Variants in MTARC1 observed in about 807,000 individuals in gnomAD.
The protein encoded by MTARC1 is mitochondrial amidoxime-reducing component 1.
In MTARC1, 24 loss-of-function variants were observed where a neutral mutation model predicts 33.6. The ratio of observed to expected loss-of-function variants is 0.72; its 90% confidence interval spans 0.52 to 1.01. MTARC1 has a LOEUF of 1.01. Among genes scored for constraint, MTARC1 ranks in the 50% least tolerant of loss-of-function variants. The probability of loss-of-function intolerance (pLI) is 0.00; values close to 1 mark genes in which losing one functional copy is unlikely to be tolerated. For missense variants in MTARC1, 417 were observed against 445.7 expected (o/e 0.94, Z 0.58); for synonymous variants, 187 against 189.5 (o/e 0.99, Z 0.11).
intron 2 of MTARC1, 129 bp downstream of exon 2, chr1:220,791,793 C>G: frequency 1.0e-6 from 1 of 966,208 alleles, no homozygotes; most frequent in Non-Finnish European, 1.5e-6. Context: ...GTACCATATA[C>G]AGAATGAAGT....
intron 6 of MTARC1, 78 bp downstream of exon 6, chr1:220,805,352 A>G: frequency 6.7e-7 from 1 of 1,502,204 alleles, no homozygotes; most frequent in Non-Finnish European, 9.3e-7. Context: ...TAATGTTTAT[A>G]AGAGGAAGCA....
rs1434922680 is a variant in MTARC1 at position 220,796,739 on chromosome 1, C to CTT, written c.547_548dup (p.Glu184SerfsTer13). ...AGTCACAGCCCTACCGCCTGGTGCA[C>CTT]TTCGAGCCTCACATGCGACCGAGAC... is the stretch of plus-strand genomic sequence containing the variant. On this transcript the variant is annotated frameshift_variant, in exon 3 of 7. Transcript: ENST00000366910. LOFTEE classifies it high-confidence loss of function. The CTT allele has an allele frequency of 6.2e-7, 1 of 1,612,858 alleles. No homozygotes were observed. Among genetic ancestry groups the CTT allele is most frequent in the Non-Finnish European group, 8.5e-7 (1 of 1,179,506 alleles).
In MTARC1 at chr1:220,805,217, C is replaced by T; in HGVS notation, c.830C>T (p.Thr277Ile). 6.2e-7 allele frequency: 1 copy of T among 1,613,970 alleles called. No individual in the cohort carries two copies. The highest frequency in any genetic ancestry group is 1.3e-5 in the African/African-American group (1 of 75,008). The change falls in exon 6 of 7, where the codon ACA (threonine) becomes ATA (isoleucine). Residue 277 changes from threonine to isoleucine, a missense_variant. By Grantham distance (89) the Thr-to-Ile change is moderately conservative. Coordinates refer to ENST00000366910, the MANE Select transcript of MTARC1 (RefSeq NM_022746.4). ...TGTGTGTCCAGATGCATTTTAACCA[C>T]AGTGGACCCAGACACCGGTGTCATG... ...VMACSRCILTTVDPDTGVMSR... is the reference protein window; with the variant it reads ...VMACSRCILTIVDPDTGVMSR...
intron 4 of MTARC1, among the ~76,000 whole-genome samples, chr1:220,801,374 CA>C (rs1373936607): frequency 6.6e-6 from 1 of 152,128 alleles, no homozygotes; most frequent in Non-Finnish European, 1.5e-5. Flanking sequence ...CCCCACCTAA[CA>C]AGCCGTGTGT....
rs528293894 is a variant in MTARC1, at chr1:220,787,251, G to T, written c.275+32G>T. On this transcript the variant is annotated intron_variant, in intron 1 of 6. Transcript: ENST00000366910. Reference sequence around the variant, plus strand: ...CCAAGCGCCGGCGCGGGGCAGCGCTGATCCGGCTCGGGGCAAGGGGGTGAG... The same window carrying T: ...CCAAGCGCCGGCGCGGGGCAGCGCTTATCCGGCTCGGGGCAAGGGGGTGAG... The T allele has an allele frequency of 1.9e-6, 3 of 1,539,734 alleles. No homozygotes were observed. In the South Asian group the frequency reaches 3.6e-5, roughly 18 times the overall value.
chr1:220,809,479 C>T lies in MTARC1; in HGVS notation c.888-3813C>T, dbSNP rs555244977. ...CCTCTCCCAGGAACGTTCACGATGCCGTCTAATTCTTCAATTTAATTTAAT... is the reference window on the plus strand; with the variant it reads ...CCTCTCCCAGGAACGTTCACGATGCTGTCTAATTCTTCAATTTAATTTAAT... On this transcript the variant is annotated intron_variant, in intron 6 of 6. Transcript: ENST00000366910. Among the ~76,000 whole-genome samples the T allele has an allele frequency of 4.7e-5, 6 of 126,964 alleles. No individual in the cohort carries two copies. In the East Asian group the frequency reaches 6.1e-4, roughly 13 times the overall value. 83.3% of individuals were successfully genotyped at this position (126,964 alleles called of 152,430 possible). A position where few individuals can be genotyped will look rare whatever the true frequency, so the allele number is the denominator to read the frequency against.
chr1:220,813,525 A>C lies in MTARC1; in HGVS notation c.*107A>C. ...AACTGAGACCTCTACATTTTCTTTA[A>C]ATTTGTGATTTTCACATTTTTCGTC... On this transcript the variant is annotated 3_prime_UTR_variant, in exon 7 of 7. Transcript: ENST00000366910. 6.8e-7 allele frequency: 1 copy of C among 1,460,442 alleles called. No individual in the cohort carries two copies. Among genetic ancestry groups the C allele is most frequent in the South Asian group, 1.3e-5 (1 of 75,322 alleles). 90.5% of individuals were successfully genotyped at this position (1,460,442 alleles called of 1,614,324 possible). A position where few individuals can be genotyped will look rare whatever the true frequency, so the allele number is the denominator to read the frequency against.
intron 2 of MTARC1, chr1:220,794,105 C>G (rs759084765): frequency 1.3e-5 from 2 of 152,108 alleles, no homozygotes; most frequent in Non-Finnish European, 1.5e-5. Context: ...CCAATTGAAG[C>G]CCCAAGGAGT....
chr1:220,800,403 G>T (rs1221155904), intron 4 of MTARC1, among the ~76,000 whole-genome samples: 1 of 81,750 alleles, frequency 1.2e-5, no homozygotes, highest in East Asian at 3.9e-4. Context: ...GGAGCTCAGT[G>T]TGGTCAGATA....
At chr1:220,792,609 A>G (rs1266819936) in intron 2 of MTARC1, among the ~76,000 whole-genome samples, 1 of 151,820 alleles carries the variant, frequency 6.6e-6, no homozygotes, top group East Asian at 1.9e-4. Flanking sequence ...TTCAGATTAG[A>G]AAAGTGGTAC....
In MTARC1 at chr1:220,813,285, A is replaced by G. The variant is rs1558095876; in HGVS notation, c.888-7A>G. ...CTGTGACTCATCATGATCTTTTCCT[A>G]TTGCAGTTATCGCCAGTGTGACCCT... On this transcript the variant is annotated splice_polypyrimidine_tract_variant and splice_region_variant and intron_variant, in intron 6 of 6. Transcript: ENST00000366910. 1 of 1,613,856 alleles carries G rather than the reference A, an allele frequency of 6.2e-7. No homozygotes were observed. The highest frequency in any genetic ancestry group is 8.5e-7 in the Non-Finnish European group (1 of 1,179,974).
chr1:220,815,399 C>T lies in MTARC1; in HGVS notation c.*1981C>T, dbSNP rs61830288. 44,098 of 151,746 alleles carry T rather than the reference C, an allele frequency of 0.29. 6,321 individuals carry two copies. Among genetic ancestry groups the T allele is most frequent in the Admixed American group, 0.31 (4,770 of 15,246 alleles). The allele number at this position is 151,746 out of a possible 1,614,324, so 9.4% of individuals were successfully genotyped here. A position where few individuals can be genotyped will look rare whatever the true frequency, so the allele number is the denominator to read the frequency against. Reference sequence around the variant, plus strand: ...AACTAACAGCCACTTCTCTGTGCCCCGTCCGGGCAGTAACCATCATTCTCC... The same window carrying T: ...AACTAACAGCCACTTCTCTGTGCCCTGTCCGGGCAGTAACCATCATTCTCC... On this transcript the variant is annotated 3_prime_UTR_variant, in exon 7 of 7. Transcript: ENST00000366910.
rs973262103 is a variant in MTARC1, at chr1:220,813,573, T to G, written c.*155T>G. 3.3e-6 allele frequency: 3 copies of G among 911,244 alleles called. No homozygotes were observed. The highest frequency in any genetic ancestry group is 4.9e-6 in the Non-Finnish European group (3 of 611,986). 56.4% of individuals were successfully genotyped at this position (911,244 alleles called of 1,614,324 possible). On this transcript the variant is annotated 3_prime_UTR_variant, in exon 7 of 7. Coordinates refer to ENST00000366910, the MANE Select transcript of MTARC1 (RefSeq NM_022746.4). ...GTCTTTTGGACTTCTGGTGTCTCAATGCTTCAATGTCCCAGTGCAAAAAGT... is the reference window on the plus strand; with the variant it reads ...GTCTTTTGGACTTCTGGTGTCTCAAGGCTTCAATGTCCCAGTGCAAAAAGT...
chr1:220,800,896 T>TC (rs60169117), intron 4 of MTARC1, among the ~76,000 whole-genome samples: 1 of 151,176 alleles, frequency 6.6e-6, no homozygotes, highest in Non-Finnish European at 1.5e-5. Flanking sequence ...GGCTGGGCCT[T>TC]CCCCCCCACT....
At chr1:220,802,883 A>T (rs1283421806) in intron 4 of MTARC1, among the ~76,000 whole-genome samples, 3 of 152,120 alleles carry the variant, frequency 2.0e-5, no homozygotes, top group African/African-American at 7.2e-5. Context: ...GATCAGCGTG[A>T]TCTCTCCCGC....
In MTARC1 at chr1:220,816,613, C is replaced by A. The variant is rs1166269445; in HGVS notation, c.*3195C>A. 6.6e-6 allele frequency: 1 copy of A among 152,266 alleles called. No homozygotes were observed. 9.4% of individuals were successfully genotyped at this position (152,266 alleles called of 1,614,324 possible). On this transcript the variant is annotated 3_prime_UTR_variant, in exon 7 of 7. Coordinates refer to ENST00000366910, the MANE Select transcript of MTARC1 (RefSeq NM_022746.4). Reference sequence around the variant, plus strand: ...GCCCTTCCCAAAGGTCTGTTTTTGACTGTCTTTTGAGAAATGATCCTCTGA... The same window carrying A: ...GCCCTTCCCAAAGGTCTGTTTTTGAATGTCTTTTGAGAAATGATCCTCTGA...
At chr1:220,803,694 GTTT>G (rs34028233) in intron 4 of MTARC1, among the ~76,000 whole-genome samples, 1 of 149,274 alleles carries the variant, frequency 6.7e-6, no homozygotes, top group East Asian at 2.0e-4. Context: ...ATCTCCAGTA[GTTT>G]TTTTTTTGGA....
chr1:220,792,631 T>G (rs1012048116), intron 2 of MTARC1, among the ~76,000 whole-genome samples: 4 of 149,656 alleles, frequency 2.7e-5, no homozygotes, highest in African/African-American at 9.9e-5. Flanking sequence ...TATTCATTGT[T>G]GAAAATTTGG....
At chr1:220,802,480 C>T (rs891883400) in intron 4 of MTARC1, among the ~76,000 whole-genome samples, 4 of 152,184 alleles carry the variant, frequency 2.6e-5, no homozygotes, top group African/African-American at 2.4e-5. Context: ...TACAGGCAGA[C>T]GCCACCATGC....
Sources: allele counts gnomAD v4.1 joint callset (sites outside exome capture counted in the v4.1 genomes callset), GRCh38; gene constraint gnomAD v4.1.1; transcripts MANE v1.5; gene names NCBI Gene and HGNC (gene_info 2026-07-23, HGNC 2026-07-21).